The following ASPRV1 variants were observed in gnomAD, a reference collection of about 807,000 sequenced individuals.
ASPRV1 encodes the protein retroviral-like aspartic protease 1.
ASPRV1 carries 7 observed loss-of-function variants against 11.0 expected under a neutral mutation model. That is an observed-to-expected ratio of 0.64 (90% CI 0.36 to 1.20). The LOEUF (loss-of-function observed/expected upper bound fraction) is 1.20. Among genes scored for constraint, ASPRV1 ranks in the 50% most tolerant of loss-of-function variants. ASPRV1 has a pLI of 0.02. For missense variants in ASPRV1, 299 were observed against 320.0 expected, an observed-to-expected ratio of 0.93 and a Z score of 0.50; for synonymous variants, 136 against 138.4, an observed-to-expected ratio of 0.98 and a Z score of 0.12.
chr2:70,075,293 G>A, the ASPRV1 span: 1 of 138,372 alleles, frequency 7.2e-6, no homozygotes, highest in Non-Finnish European at 1.5e-5. Flanking sequence ...TGTATTTTTA[G>A]TAGAGACACG....
the ASPRV1 span, among the ~76,000 whole-genome samples, chr2:70,078,819 C>G: frequency 1.0e-3 from 154 of 152,284 alleles, 1 homozygote; most frequent in African/African-American, 3.4e-3. Context: ...GTGACTTGAT[C>G]TGATATATAC....
the ASPRV1 span, chr2:70,049,925 A>G: frequency 1.3e-5 from 2 of 152,254 alleles, no homozygotes; most frequent in African/African-American, 2.4e-5. Context: ...AGAGGAGAAC[A>G]GATTAAAGGT....
the ASPRV1 span, among the ~76,000 whole-genome samples, chr2:69,979,185 C>A: frequency 1.6e-4 from 25 of 152,210 alleles, 1 homozygote; most frequent in East Asian, 3.9e-3. Context: ...CAGGTGCATG[C>A]CACCACACCC....
chr2:70,079,276 C>T, the ASPRV1 span, among the ~76,000 whole-genome samples: 1 of 151,746 alleles, frequency 6.6e-6, no homozygotes, highest in African/African-American at 2.4e-5. Context: ...TGATCGAATC[C>T]AGCCTCAGCA....
chr2:69,961,374 A>AG lies in ASPRV1; in HGVS notation c.62dup (p.Asp23Ter). ...TTGGGACGACATTGGCCCCATCAAA[A>AG]GGTTCCGGGACGAAGGCATGCTGCC... On this transcript the variant is annotated frameshift_variant, in exon 1 of 1. Coordinates refer to ENST00000320256, the MANE Select transcript of ASPRV1 (RefSeq NM_152792.4). LOFTEE classifies it high-confidence loss of function. 4 of 1,614,082 alleles carry AG rather than the reference A, an allele frequency of 2.5e-6. No individual in the cohort carries two copies. The highest frequency in any genetic ancestry group is 1.7e-6 in the Non-Finnish European group (2 of 1,179,998).
the ASPRV1 span, chr2:70,030,942 G>A: frequency 6.6e-6 from 1 of 152,150 alleles, no homozygotes; most frequent in Non-Finnish European, 1.5e-5. Flanking sequence ...GAACTGCTAG[G>A]TCAGTGAAGG....
At chr2:70,062,213 G>T in the ASPRV1 span, among the ~76,000 whole-genome samples, 3 of 152,042 alleles carry the variant, frequency 2.0e-5, no homozygotes, top group Non-Finnish European at 2.9e-5. Flanking sequence ...GTTGAGGCAG[G>T]AGAACTGCTT....
At chr2:70,035,601 T>C in the ASPRV1 span, among the ~76,000 whole-genome samples, 1 of 151,088 alleles carries the variant, frequency 6.6e-6, no homozygotes, top group Non-Finnish European at 1.5e-5. Context: ...GTCTAGCAAT[T>C]GCAAGAAAAT....
chr2:70,026,232 T>C, the ASPRV1 span, among the ~76,000 whole-genome samples: 2 of 152,060 alleles, frequency 1.3e-5, no homozygotes. Flanking sequence ...GGCAGGAGAA[T>C]CACTTGGGCA....
the ASPRV1 span, among the ~76,000 whole-genome samples, chr2:70,061,718 G>GC: frequency 6.6e-6 from 1 of 152,180 alleles, no homozygotes; most frequent in Non-Finnish European, 1.5e-5. Flanking sequence ...ACTTTGGGAG[G>GC]CAAGTGGATC....
At chr2:70,034,351 C>G in the ASPRV1 span, among the ~76,000 whole-genome samples, 1 of 151,060 alleles carries the variant, frequency 6.6e-6, no homozygotes, top group Admixed American at 6.6e-5. Context: ...GGCAGAACAC[C>G]TGAGGTCAGG....
chr2:69,957,580 ACTCTT>A (rs975975595), downstream of ASPRV1, among the ~76,000 whole-genome samples: 14 of 150,920 alleles, frequency 9.3e-5, no homozygotes, highest in Admixed American at 5.3e-4. Context: ...GGCTTTTCAA[ACTCTT>A]ATGTCCCCTA....
At chr2:70,057,692 T>C in the ASPRV1 span, among the ~76,000 whole-genome samples, 2 of 152,050 alleles carry the variant, frequency 1.3e-5, no homozygotes, top group Admixed American at 6.6e-5. Context: ...TTAGCCAGGC[T>C]GGTCTTGAAC....
At chr2:70,049,077 G>C in the ASPRV1 span, 7 of 149,748 alleles carry the variant, frequency 4.7e-5, no homozygotes, top group Non-Finnish European at 1.0e-4. Context: ...TAGGGTACAT[G>C]TGCACAATGT....
chr2:70,056,110 A>C, the ASPRV1 span: 52 of 152,312 alleles, frequency 3.4e-4, no homozygotes, highest in Admixed American at 1.8e-3. Context: ...AATACCGTAT[A>C]ACTCTATTTA....
the ASPRV1 span, among the ~76,000 whole-genome samples, chr2:70,047,688 G>A: frequency 6.6e-6 from 1 of 152,238 alleles, no homozygotes; most frequent in Admixed American, 6.5e-5. Context: ...GGGGAGAGGG[G>A]AAGAGGGATT....
chr2:69,935,333 G>A, the ASPRV1 span: 1 of 1,581,408 alleles, frequency 6.3e-7, no homozygotes, highest in African/African-American at 1.3e-5. Context: ...AAATGCTACT[G>A]TGGTCTTGTT....
the ASPRV1 span, among the ~76,000 whole-genome samples, chr2:70,014,796 C>CAAAAA: frequency 6.6e-3 from 484 of 73,628 alleles, no homozygotes; most frequent in Non-Finnish European, 9.1e-3. Context: ...GACCTTGTCT[C>CAAAAA]AAAAAAAAAA....
At chr2:69,958,582 A>G (rs1312756689), downstream of ASPRV1, among the ~76,000 whole-genome samples, 1 of 150,774 alleles carries the variant, frequency 6.6e-6, no homozygotes, top group Non-Finnish European at 1.5e-5. Flanking sequence ...ACCCACTTAC[A>G]GACTCTTTAC....
Sources: gnomAD v4.1 joint callset for allele counts (sites outside exome capture counted in the v4.1 genomes callset) on GRCh38, gnomAD v4.1.1 for gene constraint, MANE v1.5 for transcripts, NCBI Gene and HGNC (gene_info 2026-07-23, HGNC 2026-07-21) for gene names.